The following BMAL2 variants were observed in gnomAD, a reference collection of about 807,000 sequenced individuals.
BMAL2 encodes basic helix-loop-helix ARNT-like protein 2.
At chr12:27,361,175 C>T in the BMAL2 span, among the ~76,000 whole-genome samples, 1 of 152,084 alleles carries the variant, frequency 6.6e-6, no homozygotes, top group East Asian at 1.9e-4. Context: ...CAAATTTGAA[C>T]CCATTTGTAA....
chr12:27,380,898 A>T, the BMAL2 span, among the ~76,000 whole-genome samples: 1 of 151,898 alleles, frequency 6.6e-6, no homozygotes, highest in Non-Finnish European at 1.5e-5. Context: ...AGGTGGGAGG[A>T]TCGCTTGAGC....
At chr12:27,350,956 A>G in the BMAL2 span, among the ~76,000 whole-genome samples, 1 of 146,696 alleles carries the variant, frequency 6.8e-6, no homozygotes, top group Non-Finnish European at 1.5e-5. Flanking sequence ...CTAGGATTAC[A>G]GGCATGAGCC....
At chr12:27,415,914 A>G in the BMAL2 span, 1 of 1,607,448 alleles carries the variant, frequency 6.2e-7, no homozygotes, top group African/African-American at 1.3e-5. Flanking sequence ...CAACAGGTTT[A>G]ATGAAAGATA....
the BMAL2 span, chr12:27,387,120 G>A: frequency 5.4e-6 from 4 of 744,398 alleles, no homozygotes; most frequent in Non-Finnish European, 9.2e-6. Context: ...TACTCTGTTA[G>A]TTTTATTGCC....
chr12:27,346,480 C>T, the BMAL2 span, among the ~76,000 whole-genome samples: 1 of 152,126 alleles, frequency 6.6e-6, no homozygotes, highest in Non-Finnish European at 1.5e-5. Context: ...CCAGGCTGGT[C>T]TCGAACTCCT....
At chr12:27,418,929 A>G in the BMAL2 span, among the ~76,000 whole-genome samples, 2 of 151,464 alleles carry the variant, frequency 1.3e-5, no homozygotes, top group East Asian at 1.9e-4. Flanking sequence ...CAGTGAGCCA[A>G]TGTCGTACTG....
the BMAL2 span, among the ~76,000 whole-genome samples, chr12:27,401,069 G>T: frequency 6.6e-6 from 1 of 152,084 alleles, no homozygotes; most frequent in Non-Finnish European, 1.5e-5. Flanking sequence ...CTTCATGCCT[G>T]GGTGCCTGTT....
At chr12:27,406,366 G>A in the BMAL2 span, among the ~76,000 whole-genome samples, 7 of 152,202 alleles carry the variant, frequency 4.6e-5, no homozygotes, top group Non-Finnish European at 1.0e-4. Flanking sequence ...ACCCACAAAG[G>A]GAAGCCCATC....
the BMAL2 span, among the ~76,000 whole-genome samples, chr12:27,384,237 C>A: frequency 1.3e-5 from 2 of 152,304 alleles, no homozygotes; most frequent in South Asian, 4.1e-4. Flanking sequence ...TTCCCTTACT[C>A]CTCCCAGGTC....
chr12:27,418,244 C>T, the BMAL2 span: 1 of 1,223,302 alleles, frequency 8.2e-7, no homozygotes, highest in East Asian at 2.4e-5. Context: ...ATCAAAACCC[C>T]CCTCTTAATC....
chr12:27,378,916 A>G, the BMAL2 span, among the ~76,000 whole-genome samples: 21 of 152,152 alleles, frequency 1.4e-4, no homozygotes, highest in Admixed American at 1.4e-3. Context: ...TAGGGTGAAG[A>G]GGAAGGGTCT....
the BMAL2 span, chr12:27,380,388 C>T: frequency 6.2e-7 from 1 of 1,614,154 alleles, no homozygotes; most frequent in Non-Finnish European, 8.5e-7. Context: ...CTGTTCAACA[C>T]TTGAGATCTT....
the BMAL2 span, among the ~76,000 whole-genome samples, chr12:27,378,812 G>A: frequency 2.0e-5 from 3 of 152,176 alleles, no homozygotes; most frequent in Non-Finnish European, 4.4e-5. Context: ...CCTAAATTAA[G>A]ATGATGACAG....
the BMAL2 span, among the ~76,000 whole-genome samples, chr12:27,406,276 T>C: frequency 0.013 from 1,982 of 151,838 alleles, 23 homozygotes; most frequent in African/African-American, 0.028. Flanking sequence ...AGAGCAACTC[T>C]AAGACACATA....
the BMAL2 span, among the ~76,000 whole-genome samples, chr12:27,407,391 A>G: frequency 6.6e-6 from 1 of 152,156 alleles, no homozygotes; most frequent in African/African-American, 2.4e-5. Flanking sequence ...ATAACAAACT[A>G]TCTCTCAGAC....
At chr12:27,418,131 G>A in the BMAL2 span, 5 of 1,613,082 alleles carry the variant, frequency 3.1e-6, no homozygotes, top group Non-Finnish European at 4.2e-6. Context: ...TCTGAAATGG[G>A]GGAGCTAGAG....
chr12:27,332,957 C>T, the BMAL2 span: 2 of 824,240 alleles, frequency 2.4e-6, no homozygotes. Context: ...CCGGCAGGGC[C>T]CGCCAGTCCC....
chr12:27,380,361 T>A, the BMAL2 span: 1 of 1,614,024 alleles, frequency 6.2e-7, no homozygotes, highest in Non-Finnish European at 8.5e-7. Flanking sequence ...TGGACAAACT[T>A]ACAGTTTTAA....
At chr12:27,415,742 C>T in the BMAL2 span, 1 of 673,654 alleles carries the variant, frequency 1.5e-6, no homozygotes, top group Non-Finnish European at 2.5e-6. Context: ...AATTGTGAAA[C>T]CTGCTATGAT....
Sources: gnomAD v4.1 joint callset for allele counts (sites outside exome capture counted in the v4.1 genomes callset) on GRCh38, gnomAD v4.1.1 for gene constraint, MANE v1.5 for transcripts, NCBI Gene and HGNC (gene_info 2026-07-23, HGNC 2026-07-21) for gene names.